Variants in ATAD1 observed in about 807,000 individuals in gnomAD.
ATAD1 encodes ATPase family AAA domain containing 1.
A neutral mutation model predicts 42.7 loss-of-function variants in ATAD1; 18 were observed. The observed-to-expected ratio is 0.42, with a 90% CI of 0.29 to 0.63. The LOEUF (loss-of-function observed/expected upper bound fraction) is 0.63. Among genes scored for constraint, ATAD1 ranks in the 20% least tolerant of loss-of-function variants. The pLI, the probability that ATAD1 is intolerant of heterozygous loss-of-function variation, is 0.19. For synonymous variants in ATAD1, 132 were observed against 143.1 expected (o/e 0.92, Z 0.55); for missense variants, 294 against 440.4 (o/e 0.67, Z 2.98).
At chr10:87,840,467 A>G (rs1051127546) in intron 1 of ATAD1, among the ~76,000 whole-genome samples, 1 of 152,230 alleles carries the variant, frequency 6.6e-6, no homozygotes, top group Non-Finnish European at 1.5e-5. Context: ...CCTAGGTGAC[A>G]GAGTGAGACC....
At chr10:87,766,632 T>G (rs545317591) in intron 8 of ATAD1, among the ~76,000 whole-genome samples, 2 of 151,816 alleles carry the variant, frequency 1.3e-5, no homozygotes, top group African/African-American at 4.8e-5. Flanking sequence ...TATGGTAAAA[T>G]GCAAAAAATA....
chr10:87,756,463 G>A (rs1051065231), intron 9 of ATAD1, among the ~76,000 whole-genome samples: 2 of 152,098 alleles, frequency 1.3e-5, no homozygotes, highest in African/African-American at 2.4e-5. Flanking sequence ...ATACATTTTC[G>A]TTAACAAATT....
At chr10:87,794,680 TG>T (rs1482237875) in intron 2 of ATAD1, among the ~76,000 whole-genome samples, 1 of 152,200 alleles carries the variant, frequency 6.6e-6, no homozygotes, top group Non-Finnish European at 1.5e-5. Flanking sequence ...ATGTCAACAA[TG>T]CCTGATATGA....
intron 1 of ATAD1, among the ~76,000 whole-genome samples, chr10:87,816,008 T>A (rs1262059222): frequency 6.6e-6 from 1 of 152,172 alleles, no homozygotes; most frequent in African/African-American, 2.4e-5. Context: ...CTATCCTAAC[T>A]TCAAAAATCA....
At chr10:87,801,510 AT>A (rs1856693449) in intron 2 of ATAD1, among the ~76,000 whole-genome samples, 1 of 85,536 alleles carries the variant, frequency 1.2e-5, no homozygotes, top group Non-Finnish European at 2.5e-5. Flanking sequence ...TCCTAAAATT[AT>A]GAGAAACTCC....
chr10:87,776,520 G>A (rs1855312049), intron 5 of ATAD1, 93 bp from the exon 6 acceptor site: 2 of 960,740 alleles, frequency 2.1e-6, no homozygotes, highest in African/African-American at 1.6e-5. Context: ...CCAGGCTGGG[G>A]TGCAATGGCG....
intron 1 of ATAD1, chr10:87,817,646 T>C: frequency 2.3e-6 from 2 of 875,526 alleles, no homozygotes; most frequent in African/African-American, 1.8e-5. Flanking sequence ...GCCCTACGAA[T>C]ACAGCCTATG....
intron 8 of ATAD1, among the ~76,000 whole-genome samples, chr10:87,764,649 G>A (rs1332778843): frequency 6.6e-6 from 1 of 152,120 alleles, no homozygotes; most frequent in African/African-American, 2.4e-5. Context: ...TTCTACTTAT[G>A]AAGCTGTGCT....
At position 87,785,114 on chromosome 10, in the gene ATAD1, A is replaced by G. The variant is rs149896357; in HGVS notation, c.383-444T>C. ...TTGCTCACAGATTAAGTTTTAGCCA[A>G]AGGACATGTGCCTTTTTCCAAACAA... is the stretch of plus-strand genomic sequence containing the variant. On this transcript the variant is annotated intron_variant, in intron 4 of 9. Transcript: ENST00000680024. Among the ~76,000 whole-genome samples the G allele has an allele frequency of 1.5e-4, 23 of 152,328 alleles. No homozygotes were observed. In the East Asian group the frequency reaches 4.4e-3, roughly 29 times the overall value.
At chr10:87,831,099 TA>T (rs1299073894) in intron 1 of ATAD1, among the ~76,000 whole-genome samples, 2 of 152,116 alleles carry the variant, frequency 1.3e-5, no homozygotes, top group Non-Finnish European at 2.9e-5. Flanking sequence ...TTCTCATGTA[TA>T]AAAAAGGGAT....
rs200410218 is a variant in ATAD1, at chr10:87,773,739, GAGA to G, written c.690+2579_690+2581del. ...TGGAGCTATAGATGAAGTGGCTCTG[GAGA>G]AGACTTCATCCAATTGCCTCTATAT... On this transcript the variant is annotated intron_variant, in intron 6 of 9. Transcript: ENST00000680024. Among the ~76,000 whole-genome samples the G allele has an allele frequency of 6.1e-3, 927 of 152,278 alleles. 10 individuals carry two copies. The highest frequency in any genetic ancestry group is 0.017 in the South Asian group (80 of 4,830).
chr10:87,776,875 AC>A (rs1855329327), intron 5 of ATAD1, among the ~76,000 whole-genome samples: 1 of 152,048 alleles, frequency 6.6e-6, no homozygotes, highest in South Asian at 2.1e-4. Context: ...ATCACTATAT[AC>A]TATAGTGATC....
At chr10:87,756,735 T>A (rs1854238264) in intron 9 of ATAD1, 54 bp downstream of exon 9, 2 of 1,460,350 alleles carry the variant, frequency 1.4e-6, no homozygotes. Context: ...GAAACTAACC[T>A]AAAAGCTCTA....
intron 4 of ATAD1, among the ~76,000 whole-genome samples, chr10:87,785,367 T>C (rs1420962300): frequency 6.7e-6 from 1 of 149,616 alleles, no homozygotes; most frequent in African/African-American, 2.4e-5. Flanking sequence ...AATTTAATAA[T>C]ATTAAATATA....
chr10:87,825,670 A>G (rs150358055), intron 1 of ATAD1, among the ~76,000 whole-genome samples: 1,803 of 151,490 alleles, frequency 0.012, 30 homozygotes, highest in South Asian at 0.067. Context: ...GTTATTCTAC[A>G]TATAAAATTT....
chr10:87,779,668 A>T (rs1481835923), intron 5 of ATAD1, among the ~76,000 whole-genome samples: 1 of 152,260 alleles, frequency 6.6e-6, no homozygotes, highest in Non-Finnish European at 1.5e-5. Context: ...AAAACATTTG[A>T]ACAGACACCT....
intron 2 of ATAD1, among the ~76,000 whole-genome samples, chr10:87,795,438 A>T (rs557534526): frequency 1.4e-5 from 2 of 148,088 alleles, no homozygotes; most frequent in Non-Finnish European, 3.0e-5. Context: ...AATGAAAGTT[A>T]TATTTTCTGA....
intron 1 of ATAD1, among the ~76,000 whole-genome samples, chr10:87,836,863 C>T (rs1857939430): frequency 6.6e-6 from 1 of 152,104 alleles, no homozygotes; most frequent in South Asian, 2.1e-4. Context: ...AGCTTTTTTC[C>T]CCCAATACTT....
chr10:87,830,934 A>G (rs1406112701), intron 1 of ATAD1, among the ~76,000 whole-genome samples: 1 of 152,232 alleles, frequency 6.6e-6, no homozygotes, highest in East Asian at 1.9e-4. Flanking sequence ...TCAGGATTAA[A>G]AGGAATACTG....
Sources: gnomAD v4.1 joint callset for allele counts (sites outside exome capture counted in the v4.1 genomes callset) on GRCh38, gnomAD v4.1.1 for gene constraint, MANE v1.5 for transcripts, NCBI Gene and HGNC (gene_info 2026-07-23, HGNC 2026-07-21) for gene names.